The following RBM19 variants were observed in gnomAD, a reference collection of about 807,000 sequenced individuals.
RBM19 encodes the protein probable RNA-binding protein 19.
Under a neutral mutation model 116.8 loss-of-function variants are expected in RBM19, and 94 were observed. The observed-to-expected ratio is 0.80, with a 90% CI of 0.68 to 0.95. RBM19 has a LOEUF of 0.95. Among genes scored for constraint, RBM19 ranks in the 40% least tolerant of loss-of-function variants. The pLI, the probability that RBM19 is intolerant of heterozygous loss-of-function variation, is 0.00. For synonymous variants in RBM19, 475 were observed against 494.1 expected (o/e 0.96, Z 0.51); for missense variants, 1,161 against 1,220.7 (o/e 0.95, Z 0.73).
intron 23 of RBM19, among the ~76,000 whole-genome samples, chr12:113,837,474 G>A (rs1876067581): frequency 6.6e-6 from 1 of 152,228 alleles, no homozygotes; most frequent in Non-Finnish European, 1.5e-5. Flanking sequence ...TTGACTGCAC[G>A]TGATGTGCCA....
At chr12:113,933,404 A>G (rs1869787562) in intron 16 of RBM19, among the ~76,000 whole-genome samples, 1 of 152,136 alleles carries the variant, frequency 6.6e-6, no homozygotes. Context: ...GGGGCTGTGC[A>G]TGTGCTGCGT....
At chr12:113,835,825 C>T (rs1467369825) in intron 23 of RBM19, among the ~76,000 whole-genome samples, 2 of 152,198 alleles carry the variant, frequency 1.3e-5, no homozygotes, top group African/African-American at 2.4e-5. Context: ...TAACCACAGC[C>T]CATCAGTCCT....
intron 22 of RBM19, among the ~76,000 whole-genome samples, chr12:113,851,395 C>A (rs1034387858): frequency 1.7e-4 from 26 of 152,200 alleles, no homozygotes; most frequent in African/African-American, 5.1e-4. Flanking sequence ...AAGTGGGACA[C>A]ACTTTGGACC....
At chr12:113,954,772 C>T (rs1352256045) in intron 7 of RBM19, among the ~76,000 whole-genome samples, 1 of 152,240 alleles carries the variant, frequency 6.6e-6, no homozygotes, top group Non-Finnish European at 1.5e-5. Flanking sequence ...CTTTCTGAGA[C>T]TGCTTCCTTG....
chr12:113,909,058 C>T (rs1389869743), intron 21 of RBM19, among the ~76,000 whole-genome samples: 1 of 152,164 alleles, frequency 6.6e-6, no homozygotes, highest in Non-Finnish European at 1.5e-5. Context: ...ACAGGCTGAG[C>T]TACCCTGGAC....
chr12:113,904,407 A>G (rs887460269), intron 21 of RBM19, among the ~76,000 whole-genome samples: 1 of 152,208 alleles, frequency 6.6e-6, no homozygotes, highest in Non-Finnish European at 1.5e-5. Flanking sequence ...CGGCTTTGCC[A>G]CTTGTGCAGG....
At chr12:113,841,422 CTTTTTTTTTTT>C (rs71089416) in intron 23 of RBM19, among the ~76,000 whole-genome samples, 2 of 130,022 alleles carry the variant, frequency 1.5e-5, no homozygotes, top group Non-Finnish European at 3.3e-5. Context: ...TTTTTCTTTT[CTTTTTTTTTTT>C]TTTTTTTTGA....
At position 113,940,060 on chromosome 12, in the gene RBM19, A is replaced by G. The variant is rs572652098; in HGVS notation, c.1838T>C (p.Leu613Pro). 1 of 1,614,084 alleles carries G rather than the reference A, an allele frequency of 6.2e-7. No individual in the cohort carries two copies. The highest frequency in any genetic ancestry group is 1.1e-5 in the South Asian group (1 of 91,084). ...GCCCTCTGGCAGCAGCACGCGGCCCAGGCTGCCAAAATGGCCGAAGGTCTC... is the reference window on the plus strand; with the variant it reads ...GCCCTCTGGCAGCAGCACGCGGCCCGGGCTGCCAAAATGGCCGAAGGTCTC... ...LQETFGHFGSLGRVLLPEGGI... is the reference protein window; with the variant it reads ...LQETFGHFGSPGRVLLPEGGI... Residue 613 changes from leucine (L) to proline (P), a missense_variant, in exon 15 of 24, where the codon CTG becomes CCG. Transcript: ENST00000261741.
chr12:113,886,667 GTTTTGTTTTTGC>G (rs1456933691), intron 21 of RBM19, among the ~76,000 whole-genome samples: 1 of 144,044 alleles, frequency 6.9e-6, no homozygotes, highest in African/African-American at 2.6e-5. Context: ...ATGCGGTTTT[GTTTTGTTTTTGC>G]TTTTGTTTTT....
chr12:113,876,661 T>C (rs1214893754), intron 21 of RBM19, among the ~76,000 whole-genome samples: 1 of 151,972 alleles, frequency 6.6e-6, no homozygotes, highest in East Asian at 1.9e-4. Context: ...TGTGGTGGTG[T>C]GTGCCTGTGT....
At chr12:113,863,547 G>T (rs565532093) in intron 21 of RBM19, among the ~76,000 whole-genome samples, 22 of 152,188 alleles carry the variant, frequency 1.4e-4, no homozygotes, top group Non-Finnish European at 2.9e-4. Flanking sequence ...CCAAGTGGGG[G>T]TCAAACCTAG....
intron 23 of RBM19, among the ~76,000 whole-genome samples, chr12:113,838,571 A>G (rs1263521827): frequency 2.0e-5 from 3 of 152,172 alleles, no homozygotes; most frequent in Non-Finnish European, 2.9e-5. Flanking sequence ...TTTCTTATCA[A>G]TTATGATAAA....
chr12:113,938,363 A>C (rs1870254341), intron 15 of RBM19, among the ~76,000 whole-genome samples: 1 of 152,162 alleles, frequency 6.6e-6, no homozygotes, highest in Non-Finnish European at 1.5e-5. Context: ...AAAGTGGCAG[A>C]GAATGAGAAA....
chr12:113,831,779 G>A (rs916258454), intron 23 of RBM19, among the ~76,000 whole-genome samples: 9 of 152,196 alleles, frequency 5.9e-5, no homozygotes, highest in South Asian at 2.1e-4. Flanking sequence ...GGATATTGCC[G>A]AAGCACTTGG....
chr12:113,885,722 GATAAAC>G (rs1364293735), intron 21 of RBM19, among the ~76,000 whole-genome samples: 1 of 152,124 alleles, frequency 6.6e-6, no homozygotes, highest in Non-Finnish European at 1.5e-5. Context: ...TAGAGAGAAT[GATAAAC>G]ATTAACTTTG....
At chr12:113,922,470 T>C (rs370601428) in intron 18 of RBM19, among the ~76,000 whole-genome samples, 27 of 152,184 alleles carry the variant, frequency 1.8e-4, no homozygotes, top group African/African-American at 6.3e-4. Flanking sequence ...TTCTAAAACA[T>C]GCTGAAGAGT....
chr12:113,827,999 T>C (rs919125602), intron 23 of RBM19, among the ~76,000 whole-genome samples: 1 of 151,574 alleles, frequency 6.6e-6, no homozygotes, highest in Non-Finnish European at 1.5e-5. Flanking sequence ...GGTTGGTCAT[T>C]CTTACTGCTG....
At position 113,962,302 on chromosome 12, in the gene RBM19, T is replaced by C. The variant is rs1410251925; in HGVS notation, c.149A>G (p.Lys50Arg). The change falls in exon 2 of 24, where the codon AAG (lysine) becomes AGG (arginine). Residue 50 changes from lysine to arginine, a missense_variant. Transcript: ENST00000261741. ...KFRKFGFIGFKSEEEAQKAQK... is the reference protein window; with the variant it reads ...KFRKFGFIGFRSEEEAQKAQK... ...TGCCTTCTGGGCCTCTTCCTCGGAC[T>C]TGAAGCCAATAAAACCAAACTTGCG... 3 of 1,614,258 alleles carry C rather than the reference T, an allele frequency of 1.9e-6. No individual in the cohort carries two copies. The South Asian group carries it at 3.3e-5, about 18-fold the overall frequency.
intron 23 of RBM19, among the ~76,000 whole-genome samples, chr12:113,840,251 CTT>C (rs1876346844): frequency 6.6e-6 from 1 of 152,222 alleles, no homozygotes; most frequent in Admixed American, 6.5e-5. Context: ...AATTCAGACT[CTT>C]TGGCTCCAAA....
Sources: gnomAD v4.1 joint callset for allele counts (sites outside exome capture counted in the v4.1 genomes callset) on GRCh38, gnomAD v4.1.1 for gene constraint, MANE v1.5 for transcripts, NCBI Gene and HGNC (gene_info 2026-07-23, HGNC 2026-07-21) for gene names.